The following IRAG2 variants were observed in gnomAD, a reference collection of about 807,000 sequenced individuals.
The protein encoded by IRAG2 is inositol 1,4,5-triphosphate receptor associated 2.
IRAG2 carries 45 observed loss-of-function variants against 69.9 expected under a neutral mutation model. The ratio of observed to expected loss-of-function variants is 0.64; its 90% CI spans 0.51 to 0.83. The LOEUF is 0.83. Ranked by LOEUF, IRAG2 falls within the 40% of genes least tolerant of loss-of-function variation. The pLI, the probability that IRAG2 is intolerant of heterozygous loss-of-function variation, is 0.00. For synonymous variants in IRAG2, 193 were observed against 202.4 expected, an observed-to-expected ratio of 0.95 and a Z score of 0.40; for missense variants, 520 against 587.0, an observed-to-expected ratio of 0.89 and a Z score of 1.18.
intron 9 of IRAG2, among the ~76,000 whole-genome samples, chr12:25,029,879 T>C (rs1944655457): frequency 6.6e-6 from 1 of 152,206 alleles, no homozygotes; most frequent in Non-Finnish European, 1.5e-5. Context: ...GAGTCTTCTA[T>C]GTGTCCTCAT....
At chr12:25,038,584 T>C (rs967451168) in intron 16 of IRAG2, among the ~76,000 whole-genome samples, 2 of 149,140 alleles carry the variant, frequency 1.3e-5, no homozygotes, top group South Asian at 2.1e-4. Context: ...AGAGATTCAG[T>C]GAGCTGAGAT....
chr12:25,006,115 T>C (rs1944428293), intron 2 of IRAG2, among the ~76,000 whole-genome samples: 2 of 151,942 alleles, frequency 1.3e-5, no homozygotes, highest in African/African-American at 4.8e-5. Flanking sequence ...AGCCAACAAA[T>C]ATATGAAAAA....
intron 17 of IRAG2, chr12:25,103,175 C>T (rs1948848748): frequency 6.6e-6 from 1 of 152,142 alleles, no homozygotes. Context: ...TCCTGATGTA[C>T]TTATTTAAAC....
At chr12:25,018,797 G>A (rs192985179) in intron 6 of IRAG2, among the ~76,000 whole-genome samples, 1 of 152,186 alleles carries the variant, frequency 6.6e-6, no homozygotes, top group Non-Finnish European at 1.5e-5. Context: ...GGACAGAAAG[G>A]CTGGAGAATC....
intron 9 of IRAG2, among the ~76,000 whole-genome samples, chr12:25,080,355 CTT>C (rs558659761): frequency 4.3e-5 from 6 of 141,012 alleles, no homozygotes; most frequent in African/African-American, 5.3e-5. Flanking sequence ...TTTCTTTTAT[CTT>C]TTTTTTTTTT....
At position 25,088,635 on chromosome 12, in the gene IRAG2, T is replaced by C. The variant is rs369041833; in HGVS notation, c.373+478T>C. Among the ~76,000 whole-genome samples, 32 of 152,308 alleles carry C rather than the reference T, an allele frequency of 2.1e-4. 1 individual carries two copies. Among genetic ancestry groups the C allele is most frequent in the African/African-American group, 7.2e-4 (30 of 41,562 alleles). ...GTTACTTAACCTTAAGTCTCAATTT[T>C]CTCATTTGCAAGAGGAAAATGAAAA... On this transcript the variant is annotated intron_variant, in intron 11 of 21. Coordinates refer to ENST00000556887, the MANE Select transcript of IRAG2 (RefSeq NM_001366544.2).
intron 3 of IRAG2, among the ~76,000 whole-genome samples, chr12:25,012,143 CCTTTTTT>C (rs1483888396): frequency 0.031 from 741 of 24,078 alleles, 30 homozygotes; most frequent in African/African-American, 0.053. Flanking sequence ...AAGCGAATTC[CCTTTTTT>C]TTTTTTTTTT....
At chr12:25,079,897 A>G (rs746774224) in intron 9 of IRAG2, 134 bp downstream of exon 9, 4 of 592,754 alleles carry the variant, frequency 6.7e-6, no homozygotes, top group Non-Finnish European at 1.2e-5. Context: ...TTATAAAACA[A>G]TTTTGAAGAT....
rs1315007338 is a variant in IRAG2 at position 25,083,463 on chromosome 12, T to C, written c.285T>C (p.Ser95=). The change falls in exon 10 of 22, where the codon TCT becomes TCC. Residue 95 remains serine (S), a synonymous_variant. Coordinates refer to ENST00000556887, the MANE Select transcript of IRAG2 (RefSeq NM_001366544.2). ...ATGATAATATTGCATTCCAAGACTCTACGAGTAAGGATAAAACCATATTAA... is the reference window on the plus strand; with the variant it reads ...ATGATAATATTGCATTCCAAGACTCCACGAGTAAGGATAAAACCATATTAA... ...PAHDNIAFQD[S]TSKDKTILNL... 6.2e-7 allele frequency: 1 copy of C among 1,611,404 alleles called. No individual in the cohort carries two copies.
chr12:25,081,324 C>T (rs1274061279), intron 9 of IRAG2, among the ~76,000 whole-genome samples: 14 of 152,074 alleles, frequency 9.2e-5, no homozygotes, highest in Non-Finnish European at 1.9e-4. Context: ...ATTAGCCAGG[C>T]GTGGTGGCGG....
chr12:25,100,469 G>A (rs1592098188), intron 15 of IRAG2, among the ~76,000 whole-genome samples: 1 of 152,270 alleles, frequency 6.6e-6, no homozygotes, highest in Middle Eastern at 3.4e-3. Flanking sequence ...CATTCCAGAT[G>A]TTTCACTGGG....
In IRAG2 at chr12:25,088,137, A is replaced by G. The variant is rs1947773605; in HGVS notation, c.353A>G (p.Lys118Arg). 6.2e-7 allele frequency: 1 copy of G among 1,613,498 alleles called. No homozygotes were observed. The highest frequency in any genetic ancestry group is 1.7e-5 in the Admixed American group (1 of 60,018). ...KEEPETIEEHKKEHASGDSVV... is the reference protein window; with the variant it reads ...KEEPETIEEHRKEHASGDSVV... ...GAACCAGAAACAATAGAAGAACATA[A>G]AAAAGAACATGCTTCAGGAGGTAAG... is the stretch of plus-strand genomic sequence containing the variant. The change falls in exon 11 of 22, where the codon AAA becomes AGA. Residue 118 changes from lysine (K) to arginine (R), a missense_variant. Coordinates refer to ENST00000556887, the MANE Select transcript of IRAG2 (RefSeq NM_001366544.2).
chr12:25,025,683 C>A lies in IRAG2; in HGVS notation c.1384-1106C>A, dbSNP rs560605013. Among the ~76,000 whole-genome samples the A allele has an allele frequency of 2.0e-5, 3 of 152,282 alleles. No homozygotes were observed. The East Asian group carries it at 5.8e-4, about 29-fold the overall frequency. On this transcript the variant is annotated intron_variant, in intron 8 of 38. Coordinates refer to the IRAG2 transcript ENST00000636465. Reference sequence around the variant, plus strand: ...AGGAAGACCAATTAAGAGGTCTTTGCAATGATCCAGTCAAAAGCTGATGGG... The same window carrying A: ...AGGAAGACCAATTAAGAGGTCTTTGAAATGATCCAGTCAAAAGCTGATGGG...
chr12:25,043,905 A>G (rs1944770701), intron 16 of IRAG2, among the ~76,000 whole-genome samples: 1 of 152,232 alleles, frequency 6.6e-6, no homozygotes, highest in Admixed American at 6.5e-5. Context: ...CAGGTAAAGA[A>G]CTTACCTGAC....
upstream of IRAG2, among the ~76,000 whole-genome samples, chr12:25,001,810 C>T (rs1200330069): frequency 6.7e-6 from 1 of 149,322 alleles, no homozygotes; most frequent in Non-Finnish European, 1.5e-5. Context: ...CGCTCTGTCA[C>T]CCAGGCTGGA....
intron 6 of IRAG2, among the ~76,000 whole-genome samples, chr12:25,018,986 G>T (rs996609542): frequency 1.3e-5 from 2 of 152,196 alleles, no homozygotes; most frequent in Non-Finnish European, 2.9e-5. Flanking sequence ...CCATTGAGGT[G>T]GGAGGGTTCC....
In IRAG2 at chr12:25,103,886, G is replaced by C; in HGVS notation, c.983G>C (p.Gly328Ala). 3.1e-6 allele frequency: 5 copies of C among 1,613,196 alleles called. No homozygotes were observed. The highest frequency in any genetic ancestry group is 4.2e-6 in the Non-Finnish European group (5 of 1,179,334). The change falls in exon 18 of 22, where the codon GGA becomes GCA. Residue 328 changes from glycine (G) to alanine (A), a missense_variant. Coordinates refer to ENST00000556887, the MANE Select transcript of IRAG2 (RefSeq NM_001366544.2). Reference sequence around the variant, plus strand: ...ATTGCCTCTTTACCCAGAAATATTGGAAATGCAGGAATGGTAAGACAATTC... The same window carrying C: ...ATTGCCTCTTTACCCAGAAATATTGCAAATGCAGGAATGGTAAGACAATTC... Reference protein sequence around the residue: ...VTIASLPRNIGNAGMVAGMEN... With the variant: ...VTIASLPRNIANAGMVAGMEN...
Position 25,018,910 on chromosome 12 carries a change from T to C in IRAG2, c.1214+1618T>C, listed in dbSNP as rs74070682. The stretch of plus-strand genomic sequence containing the variant: ...CTGAAGACTGTCTGTTTCCTTTGGG[T>C]TCCCGCAACCTAGTTTTGATATTGT... On this transcript the variant is annotated intron_variant, in intron 6 of 38. Coordinates refer to the IRAG2 transcript ENST00000636465. 6.5e-3 allele frequency among the ~76,000 whole-genome samples: 988 copies of C among 152,344 alleles called. 18 individuals carry two copies. Among genetic ancestry groups the C allele is most frequent in the African/African-American group, 0.023 (956 of 41,574 alleles).
chr12:25,082,218 G>A (rs1345085845), intron 9 of IRAG2, among the ~76,000 whole-genome samples: 1 of 152,106 alleles, frequency 6.6e-6, no homozygotes, highest in Non-Finnish European at 1.5e-5. Flanking sequence ...AGTCATGGAT[G>A]GGAGGAAAAA....
Sources: gnomAD v4.1 joint callset for allele counts (sites outside exome capture counted in the v4.1 genomes callset) on GRCh38, gnomAD v4.1.1 for gene constraint, MANE v1.5 for transcripts, NCBI Gene and HGNC (gene_info 2026-07-23, HGNC 2026-07-21) for gene names.